The following HIVEP3 variants were observed in gnomAD, a reference collection of about 807,000 sequenced individuals.
HIVEP3 encodes HIVEP zinc finger 3.
Under a neutral mutation model 152.8 loss-of-function variants are expected in HIVEP3, and 49 were observed. The observed-to-expected ratio is 0.32, with a 90% CI of 0.26 to 0.41. The LOEUF (loss-of-function observed/expected upper bound fraction) is 0.41, where lower values mean the gene tolerates loss of function less well. Ranked by LOEUF, HIVEP3 falls within the 10% of genes least tolerant of loss-of-function variation. HIVEP3 has a pLI of 1.00. For synonymous variants in HIVEP3, 1,269 were observed against 1,289.0 expected (o/e 0.98, Z 0.33); for missense variants, 2,790 against 3,103.3 (o/e 0.90, Z 2.40).
chr1:41,865,596 G>A (rs1232208402), intron 1 of HIVEP3: 1 of 152,196 alleles, frequency 6.6e-6, no homozygotes, highest in Non-Finnish European at 1.5e-5. Context: ...TGGAAATAAT[G>A]TGGGGAAACT....
intron 2 of HIVEP3, among the ~76,000 whole-genome samples, chr1:41,633,854 C>A (rs559890145): frequency 6.6e-6 from 1 of 152,198 alleles, no homozygotes; most frequent in Non-Finnish European, 1.5e-5. Flanking sequence ...AATCAGCACC[C>A]TCCCTTCGGC....
intron 1 of HIVEP3, among the ~76,000 whole-genome samples, chr1:41,856,549 C>A (rs571805111): frequency 6.6e-6 from 1 of 152,158 alleles, no homozygotes; most frequent in Non-Finnish European, 1.5e-5. Flanking sequence ...AACAAGCGGG[C>A]GTTCGCACAT....
chr1:41,909,769 TGA>T (rs1172294253), intron 1 of HIVEP3, among the ~76,000 whole-genome samples: 2 of 151,848 alleles, frequency 1.3e-5, no homozygotes, highest in African/African-American at 4.8e-5. Context: ...TTGACAACCA[TGA>T]GGCAATTAAG....
chr1:41,646,685 G>A (rs1302755729), intron 2 of HIVEP3, among the ~76,000 whole-genome samples: 2 of 152,180 alleles, frequency 1.3e-5, no homozygotes, highest in African/African-American at 4.8e-5. Context: ...CTGCCTCCAG[G>A]GCACTCCAAG....
chr1:41,702,196 C>A (rs1005716515), intron 1 of HIVEP3, among the ~76,000 whole-genome samples: 2 of 152,166 alleles, frequency 1.3e-5, no homozygotes, highest in African/African-American at 2.4e-5. Context: ...TCATCACCAT[C>A]ATCCCCACCA....
At chr1:41,836,019 A>G (rs967225165) in intron 1 of HIVEP3, among the ~76,000 whole-genome samples, 13 of 152,164 alleles carry the variant, frequency 8.5e-5, no homozygotes, top group African/African-American at 2.9e-4. Context: ...ATTTTTGTGA[A>G]CAGGACAGTC....
chr1:41,928,962 G>A (rs1644981598), intron 1 of HIVEP3, among the ~76,000 whole-genome samples: 1 of 152,036 alleles, frequency 6.6e-6, no homozygotes, highest in Non-Finnish European at 1.5e-5. Flanking sequence ...ATTATCCCTT[G>A]GTTAAGGTGG....
chr1:41,771,338 C>T (rs1648355444), intron 1 of HIVEP3, among the ~76,000 whole-genome samples: 1 of 151,516 alleles, frequency 6.6e-6, no homozygotes, highest in Admixed American at 6.6e-5. Flanking sequence ...GTCACTTGTA[C>T]CTGTAAAACA....
intron 5 of HIVEP3, among the ~76,000 whole-genome samples, chr1:41,529,077 A>G (rs1643138060): frequency 1.0e-5 from 1 of 100,122 alleles, no homozygotes; most frequent in Non-Finnish European, 2.0e-5. Context: ...TCACACTCAC[A>G]CACATCCTCA....
rs533252687 is a variant in HIVEP3 at position 41,513,289 on chromosome 1, G to A, written c.5932C>T (p.Arg1978Cys). 22 of 1,613,198 alleles carry A rather than the reference G, an allele frequency of 1.4e-5. No individual in the cohort carries two copies. Among genetic ancestry groups the A allele is most frequent in the South Asian group, 7.7e-5 (7 of 91,070 alleles). ...PWSPSKEAGS[R>C]PPLARKHSLT... ...GAGTGTTTGCGGGCTAGTGGTGGAC[G>A]GCTGCCTGCTTCTTTGCTTGGGGAC... The change falls in exon 8 of 9, where the codon CGT becomes TGT. Residue 1978 changes from arginine (R) to cysteine (C), a missense_variant. This residue lies in a region of HIVEP3 where 816 missense variants were observed against 806.5 expected (regional missense o/e 1.01). Transcript: ENST00000372583.
chr1:41,888,985 CCACA>C (rs1000995799), intron 1 of HIVEP3, among the ~76,000 whole-genome samples: 1 of 140,048 alleles, frequency 7.1e-6, no homozygotes, highest in Admixed American at 7.0e-5. Context: ...ACCACACATG[CCACA>C]CACACACCAC....
chr1:41,909,942 G>A (rs1320766512), intron 1 of HIVEP3, among the ~76,000 whole-genome samples: 1 of 152,028 alleles, frequency 6.6e-6, no homozygotes, highest in African/African-American at 2.4e-5. Flanking sequence ...CAAAATTTAT[G>A]AAGTTAGAGT....
chr1:41,960,730 C>G (rs1645165167), intron 1 of HIVEP3, among the ~76,000 whole-genome samples: 1 of 152,158 alleles, frequency 6.6e-6, no homozygotes, highest in Non-Finnish European at 1.5e-5. Context: ...GCAGGATCCA[C>G]TTTTGCACGC....
At chr1:41,731,381 C>T (rs1271236066) in intron 1 of HIVEP3, among the ~76,000 whole-genome samples, 1 of 152,164 alleles carries the variant, frequency 6.6e-6, no homozygotes, top group Non-Finnish European at 1.5e-5. Flanking sequence ...CTATGCTCAA[C>T]ACTCAGGGTG....
intron 5 of HIVEP3, among the ~76,000 whole-genome samples, chr1:41,526,781 ACACACACCC>A: frequency 8.3e-6 from 1 of 120,274 alleles, no homozygotes; most frequent in Non-Finnish European, 1.7e-5. Flanking sequence ...ACTCACCCTA[ACACACACCC>A]TCACACGCTC....
chr1:41,548,156 C>G (rs1643849615), intron 5 of HIVEP3, among the ~76,000 whole-genome samples: 1 of 152,158 alleles, frequency 6.6e-6, no homozygotes, highest in African/African-American at 2.4e-5. Context: ...GCAAAGCAGT[C>G]CAGGAGGTGC....
intron 2 of HIVEP3, among the ~76,000 whole-genome samples, chr1:41,663,785 G>A (rs1040896080): frequency 2.6e-5 from 4 of 152,252 alleles, no homozygotes; most frequent in East Asian, 1.9e-4. Flanking sequence ...TCACGTACAC[G>A]ATTGCAAACC....
In HIVEP3 at chr1:41,701,005, G is replaced by A. The variant is rs895246093; in HGVS notation, c.-800-10C>T. 2.0e-6 allele frequency: 2 copies of A among 977,886 alleles called. No individual in the cohort carries two copies. The highest frequency in any genetic ancestry group is 2.4e-6 in the Non-Finnish European group (2 of 823,054). The allele number at this position is 977,886 out of a possible 1,614,324, so 60.6% of individuals were successfully genotyped here. On this transcript the variant is annotated splice_polypyrimidine_tract_variant and intron_variant, in intron 1 of 8. Transcript: ENST00000372583. ...TGTGTTGGAGGGAGGCCTGTGGGAAGTAGAGAAAGTGAGAATATTATGCCA... is the reference window on the plus strand; with the variant it reads ...TGTGTTGGAGGGAGGCCTGTGGGAAATAGAGAAAGTGAGAATATTATGCCA...
At chr1:41,805,024 A>G (rs1650518990) in intron 1 of HIVEP3, among the ~76,000 whole-genome samples, 1 of 152,206 alleles carries the variant, frequency 6.6e-6, no homozygotes, top group African/African-American at 2.4e-5. Flanking sequence ...CCCTGGCTTT[A>G]CAGTGTACAG....
Sources: gnomAD v4.1 joint callset for allele counts (sites outside exome capture counted in the v4.1 genomes callset) on GRCh38, gnomAD v4.1.1 for gene constraint, gnomAD v4.1.1 regional missense constraint, MANE v1.5 for transcripts, NCBI Gene and HGNC (gene_info 2026-07-23, HGNC 2026-07-21) for gene names.